Variants in ADCK2 observed in about 807,000 individuals in gnomAD.
ADCK2 encodes aarF domain containing kinase 2.
A neutral mutation model predicts 52.3 loss-of-function variants in ADCK2; 37 were observed. The ratio of observed to expected loss-of-function variants is 0.71; its 90% CI spans 0.54 to 0.93. The LOEUF (loss-of-function observed/expected upper bound fraction) is 0.93, where lower values mean the gene tolerates loss of function less well. ADCK2 is among the 40% of genes least tolerant of loss of function. The probability of loss-of-function intolerance (pLI) is 0.00; values close to 1 mark genes in which losing one functional copy is unlikely to be tolerated. For synonymous variants in ADCK2, 321 were observed against 349.2 expected (o/e 0.92, Z 0.90); for missense variants, 695 against 798.7 (o/e 0.87, Z 1.56).
intron 5 of ADCK2, among the ~76,000 whole-genome samples, chr7:140,687,870 CT>C (rs1344866948): frequency 6.8e-6 from 1 of 146,780 alleles, no homozygotes; most frequent in Non-Finnish European, 1.5e-5. Context: ...AGAGTGAGAT[CT>C]TAGTTTTTTT....
At chr7:140,685,451 GA>G (rs5887982) in intron 4 of ADCK2, among the ~76,000 whole-genome samples, 15,015 of 134,240 alleles carry the variant, frequency 0.11, 1,314 homozygotes, top group African/African-American at 0.26. Context: ...CTCAGTCTCA[GA>G]AAAAAAAAAA....
chr7:140,689,015 T>G (rs1794657410), intron 5 of ADCK2, among the ~76,000 whole-genome samples: 2 of 152,028 alleles, frequency 1.3e-5, no homozygotes, highest in Non-Finnish European at 2.9e-5. Context: ...TTCCCTGGGC[T>G]GGAGTGCAGT....
Position 140,673,674 on chromosome 7 carries a change from T to G in ADCK2, c.344T>G (p.Leu115Arg), listed in dbSNP as rs1801676523. Residue 115 changes from leucine to arginine, a missense_variant, in exon 1 of 8, where the codon CTC (leucine) becomes CGC (arginine). Leu to Arg is a moderately radical substitution (Grantham distance 102, BLOSUM62 -2). Coordinates refer to ENST00000072869, the MANE Select transcript of ADCK2 (RefSeq NM_052853.4). This position sits in a 1 kb window ranked among gnomAD's most constrained non-coding sequence, Gnocchi z 6.4. ...ALLVKFFPLLLLYPLTYLAPS... is the reference protein window; with the variant it reads ...ALLVKFFPLLRLYPLTYLAPS... The stretch of plus-strand genomic sequence containing the variant: ...TTGGTGAAATTCTTCCCCCTCCTAC[T>G]CCTCTACCCCCTCACCTACCTGGCT... 1 of 1,610,906 alleles carries G rather than the reference T, an allele frequency of 6.2e-7. No individual in the cohort carries two copies. The highest frequency in any genetic ancestry group is 1.7e-5 in the Admixed American group (1 of 59,934).
rs1010120437 is a variant in ADCK2, at chr7:140,694,838, C to T, written c.*35C>T. The T allele has an allele frequency of 1.3e-6, 2 of 1,584,948 alleles. No individual in the cohort carries two copies. Among genetic ancestry groups the T allele is most frequent in the Non-Finnish European group, 1.7e-6 (2 of 1,166,508 alleles). On this transcript the variant is annotated 3_prime_UTR_variant, in exon 8 of 8. Coordinates refer to ENST00000072869, the MANE Select transcript of ADCK2 (RefSeq NM_052853.4). Reference sequence around the variant, plus strand: ...GGCCTCTGTGGGCCCTTGTCAAGAGCTGGAGGCCACTCCCAAGAGCCTCTC... The same window carrying T: ...GGCCTCTGTGGGCCCTTGTCAAGAGTTGGAGGCCACTCCCAAGAGCCTCTC...
At chr7:140,684,665 G>A (rs1794575496) in intron 4 of ADCK2, among the ~76,000 whole-genome samples, 1 of 152,206 alleles carries the variant, frequency 6.6e-6, no homozygotes, top group South Asian at 2.1e-4. Flanking sequence ...CGCAGCAGGG[G>A]CGCTCAGAGC....
rs909738617 is a variant in ADCK2 at position 140,674,419 on chromosome 7, G to A, written c.933+156G>A. The A allele has an allele frequency of 1.8e-6, 2 of 1,112,032 alleles. No individual in the cohort carries two copies. The highest frequency in any genetic ancestry group is 1.2e-6 in the Non-Finnish European group (1 of 801,278). 68.9% of individuals were successfully genotyped at this position (1,112,032 alleles called of 1,614,324 possible). On this transcript the variant is annotated intron_variant, in intron 1 of 7. Transcript: ENST00000072869. The surrounding 1 kb of genome is among the most constrained non-coding windows in gnomAD (Gnocchi z 4.6). ...GCTGTTTCATTTATTGGCTTGAAGT[G>A]GCGGTGTGAATAGTCTGATAGAGGA...
At chr7:140,684,425 G>A (rs1384724021) in intron 4 of ADCK2, among the ~76,000 whole-genome samples, 3 of 152,200 alleles carry the variant, frequency 2.0e-5, no homozygotes, top group Non-Finnish European at 4.4e-5. Flanking sequence ...CCATGCAGGA[G>A]ATCTTAGATT....
rs1207673668 is a variant in ADCK2, at chr7:140,679,283, A to T, written c.1209A>T (p.Glu403Asp). The T allele has an allele frequency of 3.1e-6, 5 of 1,614,004 alleles. No homozygotes were observed. Among genetic ancestry groups the T allele is most frequent in the Non-Finnish European group, 4.2e-6 (5 of 1,179,928 alleles). ...GAGAAGTCTTGGTGGAAACGTATGA[A>T]GTAAGAGTGATGGCTTTGCCTGGCC... ...VTREVLVETY[E>D]ESVPVSSYQQ... is the part of the protein sequence containing the mutation. Residue 403 changes from glutamate to aspartate, a missense_variant and splice_region_variant, in exon 3 of 8, where the codon GAA becomes GAT. Coordinates refer to ENST00000072869, the MANE Select transcript of ADCK2 (RefSeq NM_052853.4).
Position 140,673,141 on chromosome 7 carries a change from G to GGCGT in ADCK2, c.-189_-188insCGTG, listed in dbSNP as rs1343289937. On this transcript the variant is annotated 5_prime_UTR_variant, in exon 1 of 8. Transcript: ENST00000072869. The surrounding 1 kb of genome is among the most constrained non-coding windows in gnomAD (Gnocchi z 6.4). ...CCGCGCGGCGCGGCGCGGCGCGGCG[G>GGCGT]GTGTCGGGCGGGGCGCGGGCCTCCG... The GGCGT allele has an allele frequency of 4.5e-5, 14 of 308,450 alleles. No individual in the cohort carries two copies. Among genetic ancestry groups the GGCGT allele is most frequent in the Non-Finnish European group, 6.9e-5 (12 of 173,046 alleles). 19.1% of individuals were successfully genotyped at this position (308,450 alleles called of 1,614,324 possible).
intron 5 of ADCK2, 98 bp downstream of exon 5, chr7:140,687,339 G>C (rs1330164374): frequency 1.4e-6 from 2 of 1,440,312 alleles, no homozygotes; most frequent in Non-Finnish European, 1.8e-6. Context: ...CAGCACTTTG[G>C]AAGCCTGAGC....
Position 140,673,273 on chromosome 7 carries a change from C to G in ADCK2, c.-58C>G, listed in dbSNP as rs1801661665. 2 of 1,377,674 alleles carry G rather than the reference C, an allele frequency of 1.5e-6. No homozygotes were observed. The highest frequency in any genetic ancestry group is 1.9e-6 in the Non-Finnish European group (2 of 1,060,274). 85.3% of individuals were successfully genotyped at this position (1,377,674 alleles called of 1,614,324 possible). ...GGGCTTCGGCTTCACCGCAGCCTCG[C>G]CTGAGCGGGCGCCTCTGAAGTGGAG... On this transcript the variant is annotated 5_prime_UTR_variant, in exon 1 of 8. Transcript: ENST00000072869. The surrounding 1 kb of genome is among the most constrained non-coding windows in gnomAD (Gnocchi z 6.4).
intron 4 of ADCK2, among the ~76,000 whole-genome samples, chr7:140,682,176 A>G (rs1364834295): frequency 6.6e-6 from 1 of 152,234 alleles, no homozygotes; most frequent in Non-Finnish European, 1.5e-5. Context: ...ATTCCTTGGG[A>G]AGATAGGTGA....
chr7:140,679,164 C>T lies in ADCK2; in HGVS notation c.1090C>T (p.Arg364Cys), dbSNP rs368382557. The T allele has an allele frequency of 2.7e-5, 43 of 1,614,068 alleles. No individual in the cohort carries two copies. Among genetic ancestry groups the T allele is most frequent in the African/African-American group, 1.7e-4 (13 of 75,024 alleles). ...GTCCATTTCTCTGTAGATTGACCTGCGTTACGAAGCTCAGAATCTAGAACA... is the reference window on the plus strand; with the variant it reads ...GTCCATTTCTCTGTAGATTGACCTGTGTTACGAAGCTCAGAATCTAGAACA... ...EKLMVQQIDL[R>C]YEAQNLEHFQ... is the part of the protein sequence containing the mutation. Residue 364 changes from arginine (R) to cysteine (C), a missense_variant, in exon 3 of 8, where the codon CGT becomes TGT. Transcript: ENST00000072869.
Position 140,678,581 on chromosome 7 carries a change from C to CG in ADCK2, c.1081-569dup, listed in dbSNP as rs1421844665. ...TGCCAGGAGAGTGAAGGGCAGGTGC[C>CG]GGGGGAAGAGCCATCACGGAGAGAC... On this transcript the variant is annotated intron_variant, in intron 2 of 7. Coordinates refer to ENST00000072869, the MANE Select transcript of ADCK2 (RefSeq NM_052853.4). The surrounding 1 kb of genome is among the most constrained non-coding windows in gnomAD (Gnocchi z 4.9). 1.3e-5 allele frequency among the ~76,000 whole-genome samples: 2 copies of CG among 152,058 alleles called. No homozygotes were observed. The highest frequency in any genetic ancestry group is 6.6e-5 in the Admixed American group (1 of 15,260).
chr7:140,686,582 ATTTAT>A (rs1452499604), intron 4 of ADCK2, among the ~76,000 whole-genome samples: 2 of 151,570 alleles, frequency 1.3e-5, no homozygotes, highest in African/African-American at 2.4e-5. Flanking sequence ...ACCCGGCCTT[ATTTAT>A]TTATTTTTAC....
intron 2 of ADCK2, among the ~76,000 whole-genome samples, chr7:140,675,673 A>G (rs1389847299): frequency 6.6e-6 from 1 of 152,232 alleles, no homozygotes; most frequent in Non-Finnish European, 1.5e-5. Context: ...AGCTTGGGAA[A>G]TACAGTCTTC....
chr7:140,674,079 T>C lies in ADCK2; in HGVS notation c.749T>C (p.Leu250Pro), dbSNP rs1563205359. Residue 250 changes from leucine to proline, a missense_variant, in exon 1 of 8, where the codon CTG (leucine) becomes CCG (proline). Coordinates refer to ENST00000072869, the MANE Select transcript of ADCK2 (RefSeq NM_052853.4). This position sits in a 1 kb window ranked among gnomAD's most constrained non-coding sequence, Gnocchi z 4.6. The stretch of plus-strand genomic sequence containing the variant: ...TCACATACTGGGGCAGTCGGTGGGC[T>C]GAGAGAGCTCTTTGGATACCTTGGA... ...PFSHTGAVGGLRELFGYLGNG... is the reference protein window; with the variant it reads ...PFSHTGAVGGPRELFGYLGNG... 3 of 1,614,118 alleles carry C rather than the reference T, an allele frequency of 1.9e-6. No homozygotes were observed. The highest frequency in any genetic ancestry group is 2.5e-6 in the Non-Finnish European group (3 of 1,180,028).
Position 140,679,427 on chromosome 7 carries a change from G to A in ADCK2, c.1209+144G>A, listed in dbSNP as rs537632485. The A allele has an allele frequency of 7.5e-5, 93 of 1,246,760 alleles. 1 individual carries two copies. The African/African-American group carries it at 8.2e-4, about 11-fold the overall frequency. 77.2% of individuals were successfully genotyped at this position (1,246,760 alleles called of 1,614,324 possible). On this transcript the variant is annotated intron_variant, in intron 3 of 7. Transcript: ENST00000072869. ...TGAGGAGCTGGGATGTGTTGGCCTC[G>A]GCGGGAGGCAGTGTTGGAGTGAGGT... is the stretch of plus-strand genomic sequence containing the variant.
chr7:140,674,661 G>A lies in ADCK2; in HGVS notation c.984G>A (p.Met328Ile). 2 of 1,614,156 alleles carry A rather than the reference G, an allele frequency of 1.2e-6. No individual in the cohort carries two copies. The highest frequency in any genetic ancestry group is 1.7e-6 in the Non-Finnish European group (2 of 1,180,014). ...LAQVHMDLLL[M>I]KIGSRVLGVL... is the part of the protein sequence containing the mutation. Reference sequence around the variant, plus strand: ...AGGTGCATATGGACCTGCTGCTGATGAAGATTGGCAGCCGAGTCCTGGGAG... The same window carrying A: ...AGGTGCATATGGACCTGCTGCTGATAAAGATTGGCAGCCGAGTCCTGGGAG... The change falls in exon 2 of 8, where the codon ATG becomes ATA. Residue 328 changes from methionine (M) to isoleucine (I), a missense_variant. Coordinates refer to ENST00000072869, the MANE Select transcript of ADCK2 (RefSeq NM_052853.4). The surrounding 1 kb of genome is among the most constrained non-coding windows in gnomAD (Gnocchi z 4.6).
Sources: allele counts gnomAD v4.1 joint callset (sites outside exome capture counted in the v4.1 genomes callset), GRCh38; gene constraint gnomAD v4.1.1; non-coding constraint Gnocchi (gnomAD v3.1); transcripts MANE v1.5; gene names NCBI Gene and HGNC (gene_info 2026-07-23, HGNC 2026-07-21).